Variants in POM121 observed in about 807,000 individuals in gnomAD.
POM121 encodes POM121 transmembrane nucleoporin.
In POM121, 32 loss-of-function variants were observed where a neutral mutation model predicts 81.3. The ratio of observed to expected loss-of-function variants is 0.39; its 90% CI spans 0.30 to 0.53. POM121 has a LOEUF of 0.53. POM121 is among the 20% of genes least tolerant of loss of function. The pLI is 0.66. For missense variants in POM121, 1,138 were observed against 1,614.6 expected, an observed-to-expected ratio of 0.70 and a Z score of 5.06; for synonymous variants, 514 against 694.2, an observed-to-expected ratio of 0.74 and a Z score of 4.08.
Position 72,946,301 on chromosome 7 carries a change from G to C in POM121, c.*67G>C, listed in dbSNP as rs1247739203. ...TCTGGACCTTGGCACCTGCTAGGAA[G>C]AGCCTTGGACCCTTCCAGTTGCGTA... is the stretch of plus-strand genomic sequence containing the variant. On this transcript the variant is annotated 3_prime_UTR_variant, in exon 13 of 13. Coordinates refer to ENST00000434423, the MANE Select transcript of POM121 (RefSeq NM_001387691.1). 5 of 1,595,986 alleles carry C rather than the reference G, an allele frequency of 3.1e-6. No individual in the cohort carries two copies. In the African/African-American group the frequency reaches 6.7e-5, roughly 21 times the overall value.
chr7:72,914,491 C>CT (rs77243556), intron 4 of POM121, among the ~76,000 whole-genome samples: 1,711 of 132,606 alleles, frequency 0.013, 21 homozygotes, highest in East Asian at 0.017. Context: ...GAGACTGTGT[C>CT]TTTTTTTTTT....
intron 7 of POM121, 115 bp from the exon 8 acceptor site, chr7:72,939,732 G>A (rs1199227402): frequency 6.2e-7 from 1 of 1,607,550 alleles, no homozygotes; most frequent in African/African-American, 1.3e-5. Flanking sequence ...ATAGAAGATT[G>A]AATCTTTTCA....
At chr7:72,883,912 A>G (rs1417322046) in intron 1 of POM121, among the ~76,000 whole-genome samples, 4 of 151,986 alleles carry the variant, frequency 2.6e-5, no homozygotes, top group Non-Finnish European at 4.4e-5. Flanking sequence ...ACTAGCCAAC[A>G]TACTTTTCTT....
At chr7:72,927,948 G>A (rs553391577) in intron 3 of POM121, among the ~76,000 whole-genome samples, 1 of 152,118 alleles carries the variant, frequency 6.6e-6, no homozygotes, top group African/African-American at 2.4e-5. Context: ...CTGCACGCTT[G>A]TACTCCTAAC....
downstream of POM121, chr7:72,948,887 T>G (rs782750280): frequency 6.2e-7 from 1 of 1,610,750 alleles, no homozygotes; most frequent in Non-Finnish European, 8.5e-7. Flanking sequence ...GCGCACGCCC[T>G]GTACCTGAAG....
At chr7:72,948,891 C>A (rs1554504078), downstream of POM121, 4 of 1,611,552 alleles carry the variant, frequency 2.5e-6, no homozygotes, top group Non-Finnish European at 3.4e-6. Flanking sequence ...ACGCCCTGTA[C>A]CTGAAGGCGC....
rs782769799 is a variant in POM121 at position 72,939,396 on chromosome 7, C to A, written c.1428C>A (p.Ser476=). 6 of 1,613,752 alleles carry A rather than the reference C, an allele frequency of 3.7e-6. No individual in the cohort carries two copies. Among genetic ancestry groups the A allele is most frequent in the Non-Finnish European group, 4.2e-6 (5 of 1,179,786 alleles). Residue 476 remains serine, a synonymous_variant, in exon 7 of 13, where the codon TCC becomes TCA. Coordinates refer to ENST00000434423, the MANE Select transcript of POM121 (RefSeq NM_001387691.1). The stretch of plus-strand genomic sequence containing the variant: ...CTCCATTGGCAGCAGACAGGGAGTC[C>A]CAGGGAGAAAAGGGTAGGTTGCTGA... The part of the protein sequence containing the change: ...SSTPLAADRE[S]QGEKAADTTP...
At chr7:72,915,759 G>A (rs1232419397) in intron 4 of POM121, among the ~76,000 whole-genome samples, 3 of 152,132 alleles carry the variant, frequency 2.0e-5, no homozygotes, top group Non-Finnish European at 4.4e-5. Flanking sequence ...TGCAACCTCC[G>A]CCTCCTGGGT....
rs1554503693 is a variant in POM121 at position 72,948,002 on chromosome 7, G to T, written c.*1768G>T. The T allele has an allele frequency of 2.7e-6, 3 of 1,116,208 alleles. No homozygotes were observed. In the Admixed American group the frequency reaches 1.3e-4, roughly 50 times the overall value. The allele number at this position is 1,116,208 out of a possible 1,614,324, so 69.1% of individuals were successfully genotyped here. ...TACCTGTTAGGATTGGAGGGTCTGG[G>T]TGGGCCTGGGCCTAGCAATCAAGCT... On this transcript the variant is annotated 3_prime_UTR_variant, in exon 13 of 13. Coordinates refer to ENST00000434423, the MANE Select transcript of POM121 (RefSeq NM_001387691.1).
chr7:72,924,977 T>A (rs183734187), upstream of POM121: 1,639 of 1,305,718 alleles, frequency 1.3e-3, 12 homozygotes, highest in African/African-American at 0.021. Flanking sequence ...AGGCGGCATT[T>A]TCCAAACCAG....
chr7:72,886,965 A>G (rs1252110197), intron 1 of POM121, among the ~76,000 whole-genome samples: 2 of 151,306 alleles, frequency 1.3e-5, no homozygotes, highest in Non-Finnish European at 3.0e-5. Context: ...CATTTTTATC[A>G]TTATCTCTTC....
Position 72,925,707 on chromosome 7 carries a change from C to T in POM121, c.586C>T (p.His196Tyr), listed in dbSNP as rs1403703522. 1.5e-6 allele frequency: 2 copies of T among 1,294,122 alleles called. No individual in the cohort carries two copies. Among genetic ancestry groups the T allele is most frequent in the Admixed American group, 3.4e-5 (1 of 29,408 alleles). 80.2% of individuals were successfully genotyped at this position (1,294,122 alleles called of 1,614,324 possible). The change falls in exon 1 of 13, where the codon CAC becomes TAC. Residue 196 changes from histidine (H) to tyrosine (Y), a missense_variant. Coordinates refer to ENST00000434423, the MANE Select transcript of POM121 (RefSeq NM_001387691.1). ...CTCCCCGCCGACCCATCGCGCTCAC[C>T]ACGTTTACCCCTCTCTGCCCACTCC... The part of the protein sequence containing the change: ...PPSPPTHRAH[H>Y]VYPSLPTPLL...
At chr7:72,923,748 C>G (rs530226364), upstream of POM121, among the ~76,000 whole-genome samples, 3 of 147,430 alleles carry the variant, frequency 2.0e-5, no homozygotes, top group African/African-American at 7.5e-5. Flanking sequence ...TACAGGCGCC[C>G]GCCACTACGC....
intron 3 of POM121, among the ~76,000 whole-genome samples, chr7:72,893,563 G>A (rs1478131583): frequency 1.3e-5 from 2 of 152,086 alleles, no homozygotes; most frequent in Admixed American, 6.6e-5. Context: ...CAGCCTGGGC[G>A]ACAGAGCCAG....
chr7:72,880,048 T>C (rs1158641402), intron 1 of POM121, among the ~76,000 whole-genome samples: 2 of 152,186 alleles, frequency 1.3e-5, no homozygotes, highest in African/African-American at 4.8e-5. Context: ...AGGCGCTGCA[T>C]GGGAAGATCT....
Position 72,942,229 on chromosome 7 carries a change from C to G in POM121, c.2236C>G (p.Pro746Ala). ...GAGTGAGAAGGAAGGCCCCACACCGCCTGGCCCTTCAGTCACAGCCACAGC... is the reference window on the plus strand; with the variant it reads ...GAGTGAGAAGGAAGGCCCCACACCGGCTGGCCCTTCAGTCACAGCCACAGC... ...PKSEKEGPTP[P>A]GPSVTATAPS... The change falls in exon 11 of 13, where the codon CCT becomes GCT. Residue 746 changes from proline (P) to alanine (A), a missense_variant. Pro to Ala is a conservative substitution (Grantham distance 27). Around this residue, in one of 7 missense-constraint regions of POM121, gnomAD observed 37 missense variants for 62.8 expected, o/e 0.59. Coordinates refer to ENST00000434423, the MANE Select transcript of POM121 (RefSeq NM_001387691.1). 6.2e-7 allele frequency: 1 copy of G among 1,609,582 alleles called. No individual in the cohort carries two copies.
intron 11 of POM121, among the ~76,000 whole-genome samples, chr7:72,943,816 T>C (rs1797385121): frequency 6.6e-6 from 1 of 152,146 alleles, no homozygotes; most frequent in African/African-American, 2.4e-5. Context: ...GGAGGGTGCA[T>C]CACTTGAGGC....
intron 5 of POM121, 70 bp downstream of exon 5, chr7:72,930,181 A>G: frequency 6.6e-7 from 1 of 1,509,264 alleles, no homozygotes; most frequent in Non-Finnish European, 8.9e-7. Context: ...AGGGCCAGAC[A>G]TGGTAGCTTA....
intron 1 of POM121, among the ~76,000 whole-genome samples, chr7:72,883,510 T>C (rs1240710920): frequency 1.3e-5 from 2 of 152,192 alleles, no homozygotes; most frequent in South Asian, 4.1e-4. Context: ...TCTTTCTTAA[T>C]ACATGTGGCA....
Sources: allele counts gnomAD v4.1 joint callset (sites outside exome capture counted in the v4.1 genomes callset), GRCh38; gene constraint gnomAD v4.1.1; regional missense constraint gnomAD v4.1.1; transcripts MANE v1.5; gene names NCBI Gene and HGNC (gene_info 2026-07-23, HGNC 2026-07-21).